The following FSBP variants were observed in gnomAD, a reference collection of about 807,000 sequenced individuals.
The protein encoded by FSBP is fibrinogen silencer-binding protein.
A neutral mutation model predicts 24.6 loss-of-function variants in FSBP; 18 were observed. The observed-to-expected ratio is 0.73, with a 90% CI of 0.51 to 1.08. The LOEUF is 1.08. FSBP is among the 50% of genes least tolerant of loss of function. The pLI, the probability that FSBP is intolerant of heterozygous loss-of-function variation, is 0.00. For missense variants in FSBP, 305 were observed against 347.6 expected (o/e 0.88, Z 0.98); for synonymous variants, 110 against 125.8 (o/e 0.87, Z 0.84).
Position 94,431,470 on chromosome 8 carries a change from T to G in FSBP, c.*661A>C. 5 of 982,314 alleles carry G rather than the reference T, an allele frequency of 5.1e-6. No individual in the cohort carries two copies. The highest frequency in any genetic ancestry group is 6.0e-6 in the Non-Finnish European group (5 of 827,144). 60.8% of individuals were successfully genotyped at this position (982,314 alleles called of 1,614,324 possible). On this transcript the variant is annotated 3_prime_UTR_variant, in exon 2 of 2. Transcript: ENST00000481490. The stretch of plus-strand genomic sequence containing the variant: ...CTAATATTTAAATCTAGAGAATGTT[T>G]TAGTGGATATTTACTTCTATCGAAT...
rs892839343 is a variant in FSBP, at chr8:94,429,696, A to C, written c.*2435T>G. The C allele has an allele frequency of 3.1e-6, 3 of 983,450 alleles. No individual in the cohort carries two copies. In the African/African-American group the frequency reaches 5.2e-5, roughly 17 times the overall value. The allele number at this position is 983,450 out of a possible 1,614,324, so 60.9% of individuals were successfully genotyped here. The stretch of plus-strand genomic sequence containing the variant: ...CAAAGAAAAGTCATAGCACAGATTA[A>C]AGAGAAAAGGTAACATTGTCAAAAG... On this transcript the variant is annotated 3_prime_UTR_variant, in exon 2 of 2. Transcript: ENST00000481490.
In FSBP at chr8:94,429,375, A is replaced by G. The variant is rs1306575936; in HGVS notation, c.*2756T>C. On this transcript the variant is annotated 3_prime_UTR_variant, in exon 2 of 2. Transcript: ENST00000481490. The stretch of plus-strand genomic sequence containing the variant: ...TTTAGAACCTAACCACCAAAAATAA[A>G]AAAGATGTATACTGCACTTTTTTTT... The G allele has an allele frequency of 1.4e-6, 1 of 703,312 alleles. No individual in the cohort carries two copies. Among genetic ancestry groups the G allele is most frequent in the Non-Finnish European group, 1.7e-6 (1 of 572,900 alleles). 43.6% of individuals were successfully genotyped at this position (703,312 alleles called of 1,614,324 possible). A position where few individuals can be genotyped will look rare whatever the true frequency, so the allele number is the denominator to read the frequency against.
Position 94,427,818 on chromosome 8 carries a change from T to C in FSBP, c.*4313A>G. The C allele has an allele frequency of 1.0e-6, 1 of 961,632 alleles. No homozygotes were observed. The highest frequency in any genetic ancestry group is 1.2e-6 in the Non-Finnish European group (1 of 808,374). The allele number at this position is 961,632 out of a possible 1,614,324, so 59.6% of individuals were successfully genotyped here. A position where few individuals can be genotyped will look rare whatever the true frequency, so the allele number is the denominator to read the frequency against. On this transcript the variant is annotated 3_prime_UTR_variant, in exon 2 of 2. Transcript: ENST00000481490. The stretch of plus-strand genomic sequence containing the variant: ...ACACAATTTATTACACTCTAAGTTA[T>C]TTAAACATGTGTATTTAAAAGTTGA...
Position 94,432,025 on chromosome 8 carries a change from G to A in FSBP, c.*106C>T. The A allele has an allele frequency of 7.2e-7, 1 of 1,389,122 alleles. No homozygotes were observed. The highest frequency in any genetic ancestry group is 9.3e-7 in the Non-Finnish European group (1 of 1,074,044). 86.0% of individuals were successfully genotyped at this position (1,389,122 alleles called of 1,614,324 possible). A position where few individuals can be genotyped will look rare whatever the true frequency, so the allele number is the denominator to read the frequency against. ...ATCTAAAAAGTTTTTCCATAATAGA[G>A]ATTAACAACATTTTTCAAGAACGTG... is the stretch of plus-strand genomic sequence containing the variant. On this transcript the variant is annotated 3_prime_UTR_variant, in exon 2 of 2. Transcript: ENST00000481490.
rs891387453 is a variant in FSBP at position 94,430,667 on chromosome 8, T to G, written c.*1464A>C. The G allele has an allele frequency of 1.3e-5, 10 of 751,542 alleles. No homozygotes were observed. Among genetic ancestry groups the G allele is most frequent in the Non-Finnish European group, 1.6e-5 (10 of 616,642 alleles). 46.6% of individuals were successfully genotyped at this position (751,542 alleles called of 1,614,324 possible). On this transcript the variant is annotated 3_prime_UTR_variant, in exon 2 of 2. Transcript: ENST00000481490. The stretch of plus-strand genomic sequence containing the variant: ...CAAAGGCCACAAAGTGGAAGCCCAA[T>G]GGCTCAGTGAGGCCCACTCACATGT...
intron 1 of FSBP, among the ~76,000 whole-genome samples, chr8:94,436,169 A>T (rs1812254674): frequency 6.6e-6 from 1 of 152,152 alleles, no homozygotes; most frequent in Non-Finnish European, 1.5e-5. Context: ...AGTATCTCTC[A>T]GAAGCAAACT....
rs192571781 is a variant in FSBP, at chr8:94,436,657, A to C, written c.212T>G (p.Leu71Arg). The C allele has an allele frequency of 1.3e-6, 2 of 1,550,552 alleles. No homozygotes were observed. The highest frequency in any genetic ancestry group is 4.9e-5 in the East Asian group (2 of 40,914). ...PPRTAQGLRT[L>R]YKRLKEYAKQ... The stretch of plus-strand genomic sequence containing the variant: ...GGCATATTCTTTGAGCCTTTTATAA[A>C]GGGTGCGTAGGCCCTGTGCTGTTCG... Residue 71 changes from leucine to arginine, a missense_variant, in exon 1 of 2, where the codon CTT becomes CGT. Coordinates refer to ENST00000481490, the MANE Select transcript of FSBP (RefSeq NM_001256141.2).
intron 1 of FSBP, 85 bp downstream of exon 1, chr8:94,436,410 T>C (rs968370809): frequency 3.6e-6 from 5 of 1,404,014 alleles, no homozygotes; most frequent in Admixed American, 2.9e-5. Flanking sequence ...GGATGCTTAC[T>C]ATGCATATCT....
rs535104173 is a variant in FSBP, at chr8:94,429,515, T to C, written c.*2616A>G. On this transcript the variant is annotated 3_prime_UTR_variant, in exon 2 of 2. Transcript: ENST00000481490. ...ATTTAAATTGAACATTCATTATCAA[T>C]TCTTAGTAGCATGCTGAAACTGTAA... The C allele has an allele frequency of 5.1e-6, 5 of 984,742 alleles. No homozygotes were observed. The East Asian group carries it at 4.5e-4, about 89-fold the overall frequency. The allele number at this position is 984,742 out of a possible 1,614,324, so 61.0% of individuals were successfully genotyped here.
rs1812280462 is a variant in FSBP, at chr8:94,436,919, A to G, written c.-51T>C. The G allele has an allele frequency of 6.8e-7, 1 of 1,460,210 alleles. No individual in the cohort carries two copies. The highest frequency in any genetic ancestry group is 2.8e-5 in the Admixed American group (1 of 35,304). 90.5% of individuals were successfully genotyped at this position (1,460,210 alleles called of 1,614,324 possible). A position where few individuals can be genotyped will look rare whatever the true frequency, so the allele number is the denominator to read the frequency against. On this transcript the variant is annotated 5_prime_UTR_variant, in exon 1 of 2. Coordinates refer to ENST00000481490, the MANE Select transcript of FSBP (RefSeq NM_001256141.2). ...TTTCTGAAACCACCATGCAGCCTTCAGCTCTGCTCAGCTCTTTTCACAAAC... is the reference window on the plus strand; with the variant it reads ...TTTCTGAAACCACCATGCAGCCTTCGGCTCTGCTCAGCTCTTTTCACAAAC...
At position 94,427,897 on chromosome 8, in the gene FSBP, A is replaced by G. The variant is rs1477179910; in HGVS notation, c.*4234T>C. On this transcript the variant is annotated 3_prime_UTR_variant, in exon 2 of 2. Coordinates refer to ENST00000481490, the MANE Select transcript of FSBP (RefSeq NM_001256141.2). ...AAACTCATAGTTTAAACATTTTCAC[A>G]TAAGTAAAGATAGAACAGGGTAGAA... 2 of 938,934 alleles carry G rather than the reference A, an allele frequency of 2.1e-6. No individual in the cohort carries two copies. The highest frequency in any genetic ancestry group is 4.9e-5 in the South Asian group (1 of 20,222). 58.2% of individuals were successfully genotyped at this position (938,934 alleles called of 1,614,324 possible).
chr8:94,431,421 G>A lies in FSBP; in HGVS notation c.*710C>T. 1 of 982,210 alleles carries A rather than the reference G, an allele frequency of 1.0e-6. No individual in the cohort carries two copies. Among genetic ancestry groups the A allele is most frequent in the Non-Finnish European group, 1.2e-6 (1 of 827,120 alleles). 60.8% of individuals were successfully genotyped at this position (982,210 alleles called of 1,614,324 possible). A position where few individuals can be genotyped will look rare whatever the true frequency, so the allele number is the denominator to read the frequency against. On this transcript the variant is annotated 3_prime_UTR_variant, in exon 2 of 2. Transcript: ENST00000481490. ...TTTCACAACCTAACAATCTTTAAAG[G>A]CAATTTTAATGAAAGAAATGCTTCT...
chr8:94,428,526 G>T lies in FSBP; in HGVS notation c.*3605C>A. 1 of 241,480 alleles carries T rather than the reference G, an allele frequency of 4.1e-6. No individual in the cohort carries two copies. Among genetic ancestry groups the T allele is most frequent in the Non-Finnish European group, 6.7e-6 (1 of 149,992 alleles). The allele number at this position is 241,480 out of a possible 1,614,324, so 15.0% of individuals were successfully genotyped here. On this transcript the variant is annotated 3_prime_UTR_variant, in exon 2 of 2. Transcript: ENST00000481490. ...GATTACTTACAATGGCTAATATAAT[G>T]TAAATACTATGTAAATAGTTGTTAG... is the stretch of plus-strand genomic sequence containing the variant.
intron 1 of FSBP, among the ~76,000 whole-genome samples, chr8:94,434,165 A>C (rs1812195805): frequency 6.6e-6 from 1 of 152,012 alleles, no homozygotes. Context: ...AAAAGGCTAA[A>C]ATTGCATATG....
intron 1 of FSBP, among the ~76,000 whole-genome samples, chr8:94,434,450 A>G (rs1812202805): frequency 6.6e-6 from 1 of 151,910 alleles, no homozygotes; most frequent in African/African-American, 2.4e-5. Context: ...AACTGATATT[A>G]GGAAGAGGTA....
rs1467214280 is a variant in FSBP, at chr8:94,431,393, T to C, written c.*738A>G. 3.0e-6 allele frequency: 3 copies of C among 984,896 alleles called. No homozygotes were observed. Among genetic ancestry groups the C allele is most frequent in the Non-Finnish European group, 3.6e-6 (3 of 829,444 alleles). 61.0% of individuals were successfully genotyped at this position (984,896 alleles called of 1,614,324 possible). On this transcript the variant is annotated 3_prime_UTR_variant, in exon 2 of 2. Transcript: ENST00000481490. ...ATGGGGGTAATTGATGTAATTATCC[T>C]GATTTCACAACCTAACAATCTTTAA...
rs556672597 is a variant in FSBP, at chr8:94,432,725, T to C, written c.375-69A>G. 291 of 1,382,756 alleles carry C rather than the reference T, an allele frequency of 2.1e-4. 1 individual carries two copies. The highest frequency in any genetic ancestry group is 7.6e-4 in the Admixed American group (24 of 31,464). 85.7% of individuals were successfully genotyped at this position (1,382,756 alleles called of 1,614,324 possible). A position where few individuals can be genotyped will look rare whatever the true frequency, so the allele number is the denominator to read the frequency against. ...GAAAAAGTGTATATTTATAGCATAA[T>C]TTTAATTTAATGTACATTAAATGAT... On this transcript the variant is annotated intron_variant, in intron 1 of 1. Transcript: ENST00000481490.
Position 94,431,311 on chromosome 8 carries a change from T to C in FSBP, c.*820A>G, listed in dbSNP as rs934076728. On this transcript the variant is annotated 3_prime_UTR_variant, in exon 2 of 2. Transcript: ENST00000481490. ...GTCTTTAAATCACACAGCCAAAATA[T>C]ATAATAGCTTCAATGGAATACCTTA... 7.8e-5 allele frequency: 76 copies of C among 976,344 alleles called. No individual in the cohort carries two copies. The highest frequency in any genetic ancestry group is 8.4e-5 in the Non-Finnish European group (69 of 821,832). The allele number at this position is 976,344 out of a possible 1,614,324, so 60.5% of individuals were successfully genotyped here.
chr8:94,432,742 T>C lies in FSBP; in HGVS notation c.375-86A>G, dbSNP rs1253170517. 4.4e-6 allele frequency: 6 copies of C among 1,356,614 alleles called. No individual in the cohort carries two copies. In the East Asian group the frequency reaches 1.6e-4, roughly 35 times the overall value. 84.0% of individuals were successfully genotyped at this position (1,356,614 alleles called of 1,614,324 possible). ...TAGCATAATTTTAATTTAATGTACA[T>C]TAAATGATAAAGCTTTAAAACTATA... On this transcript the variant is annotated intron_variant, in intron 1 of 1. Coordinates refer to ENST00000481490, the MANE Select transcript of FSBP (RefSeq NM_001256141.2).
Sources: allele counts gnomAD v4.1 joint callset (sites outside exome capture counted in the v4.1 genomes callset), GRCh38; gene constraint gnomAD v4.1.1; transcripts MANE v1.5; gene names NCBI Gene and HGNC (gene_info 2026-07-23, HGNC 2026-07-21).